Variants in KIRREL3 observed in about 807,000 individuals in gnomAD.
KIRREL3 encodes the protein kin of IRRE-like protein 3.
Under a neutral mutation model 89.7 loss-of-function variants are expected in KIRREL3, and 36 were observed. The observed-to-expected ratio is 0.40, with a 90% CI of 0.31 to 0.53. The LOEUF is 0.53. KIRREL3 is among the 20% of genes least tolerant of loss of function. The pLI is 0.49. For synonymous variants in KIRREL3, 445 were observed against 441.4 expected (o/e 1.01, Z -0.10); for missense variants, 864 against 1,056.6 (o/e 0.82, Z 2.53).
Position 126,645,106 on chromosome 11 carries a change from T to G in KIRREL3, c.56-82194A>C, listed in dbSNP as rs934906107. ...CAGAGGTGAAGTGAACACAGCATAT[T>G]CTGAATATATCGCAAGAGGGGTGCA... On this transcript the variant is annotated intron_variant, in intron 1 of 16. Coordinates refer to ENST00000525144, the MANE Select transcript of KIRREL3 (RefSeq NM_032531.4). The surrounding 1 kb of genome is among the most constrained non-coding windows in gnomAD (Gnocchi z 4.9). 9.9e-5 allele frequency among the ~76,000 whole-genome samples: 15 copies of G among 152,078 alleles called. No individual in the cohort carries two copies. Among genetic ancestry groups the G allele is most frequent in the Non-Finnish European group, 1.5e-5 (1 of 68,026 alleles).
intron 2 of KIRREL3, among the ~76,000 whole-genome samples, chr11:126,552,522 C>CACT (rs1939345152): frequency 6.9e-6 from 1 of 145,838 alleles, no homozygotes; most frequent in Non-Finnish European, 1.5e-5. Flanking sequence ...GTCCCGGGAT[C>CACT]ACTGCATCAC....
intron 1 of KIRREL3, among the ~76,000 whole-genome samples, chr11:126,963,741 C>T (rs1340648431): frequency 1.3e-5 from 2 of 152,188 alleles, no homozygotes; most frequent in Non-Finnish European, 2.9e-5. Context: ...CTTACGTCTT[C>T]AGCCAAGGCA....
intron 4 of KIRREL3, among the ~76,000 whole-genome samples, chr11:126,499,749 G>T (rs1957795041): frequency 6.6e-6 from 1 of 152,218 alleles, no homozygotes; most frequent in Non-Finnish European, 1.5e-5. Context: ...CCAAGGGAGA[G>T]TTCGGTAGTT....
Position 126,830,505 on chromosome 11 carries a change from G to A in KIRREL3, c.55+169950C>T, listed in dbSNP as rs1943568274. ...ACAGGCCTCTGAATTGGACTGCAAG[G>A]AGCTCACATTTACAATTAAATGAGG... On this transcript the variant is annotated intron_variant, in intron 1 of 16. Transcript: ENST00000525144. The surrounding 1 kb of genome is among the most constrained non-coding windows in gnomAD (Gnocchi z 4.9). Among the ~76,000 whole-genome samples the A allele has an allele frequency of 6.6e-6, 1 of 152,148 alleles. No individual in the cohort carries two copies. The highest frequency in any genetic ancestry group is 1.5e-5 in the Non-Finnish European group (1 of 68,028).
At chr11:126,806,708 G>A (rs1951214403) in intron 1 of KIRREL3, among the ~76,000 whole-genome samples, 1 of 152,164 alleles carries the variant, frequency 6.6e-6, no homozygotes, top group African/African-American at 2.4e-5. Context: ...GGATACATGT[G>A]TAGAACGTGC....
intron 1 of KIRREL3, among the ~76,000 whole-genome samples, chr11:126,968,317 TA>T (rs1949334270): frequency 6.6e-6 from 1 of 152,092 alleles, no homozygotes; most frequent in South Asian, 2.1e-4. Flanking sequence ...ATGTAGGCAA[TA>T]ACCAGAACAT....
At chr11:126,894,971 T>C (rs1390762311) in intron 1 of KIRREL3, among the ~76,000 whole-genome samples, 1 of 152,094 alleles carries the variant, frequency 6.6e-6, no homozygotes, top group Non-Finnish European at 1.5e-5. Context: ...ATAAGATCAT[T>C]CACAGTGTAT....
intron 1 of KIRREL3, among the ~76,000 whole-genome samples, chr11:126,711,666 C>T (rs1947761315): frequency 6.6e-6 from 1 of 152,218 alleles, no homozygotes; most frequent in Non-Finnish European, 1.5e-5. Context: ...AAAAAGACTT[C>T]TGTCCAGTTC....
chr11:126,819,931 C>T (rs1452683386), intron 1 of KIRREL3, among the ~76,000 whole-genome samples: 1 of 152,226 alleles, frequency 6.6e-6, no homozygotes, highest in Non-Finnish European at 1.5e-5. Context: ...TCCAGGACAC[C>T]TGGGTTCCAC....
Position 126,571,204 on chromosome 11 carries a change from A to G in KIRREL3, c.56-8292T>C, listed in dbSNP as rs1940907391. On this transcript the variant is annotated intron_variant, in intron 1 of 16. Transcript: ENST00000525144. This position sits in a 1 kb window ranked among gnomAD's most constrained non-coding sequence, Gnocchi z 7.7. ...TTTGATACCTTGCCTAGCTCTTATC[A>G]TCTTTCTCTCCTTGGAGGGCTGGGT... is the stretch of plus-strand genomic sequence containing the variant. Among the ~76,000 whole-genome samples the G allele has an allele frequency of 6.6e-6, 1 of 152,114 alleles. No individual in the cohort carries two copies. The highest frequency in any genetic ancestry group is 2.4e-5 in the African/African-American group (1 of 41,398).
rs533299290 is a variant in KIRREL3 at position 126,460,190 on chromosome 11, G to C, written c.742+2967C>G. 2.0e-5 allele frequency among the ~76,000 whole-genome samples: 3 copies of C among 152,324 alleles called. No individual in the cohort carries two copies. The South Asian group carries it at 6.2e-4, about 32-fold the overall frequency. ...AGCACATACAAGCACCTTCAGGCTA[G>C]GGGCGGTGAGCGCGGGGACAAATGG... On this transcript the variant is annotated intron_variant, in intron 6 of 16. Coordinates refer to ENST00000525144, the MANE Select transcript of KIRREL3 (RefSeq NM_032531.4).
chr11:126,799,354 GTGTGTATC>G (rs1362374031), intron 1 of KIRREL3, among the ~76,000 whole-genome samples: 9 of 43,384 alleles, frequency 2.1e-4, no homozygotes, highest in African/African-American at 3.5e-4. Context: ...GTGTATCTCT[GTGTGTATC>G]TGTGTATCTG....
At position 126,651,779 on chromosome 11, in the gene KIRREL3, A is replaced by G. The variant is rs1944916008; in HGVS notation, c.56-88867T>C. 6.6e-6 allele frequency among the ~76,000 whole-genome samples: 1 copy of G among 152,212 alleles called. No individual in the cohort carries two copies. The highest frequency in any genetic ancestry group is 1.5e-5 in the Non-Finnish European group (1 of 68,036). On this transcript the variant is annotated intron_variant, in intron 1 of 16. Transcript: ENST00000525144. This position sits in a 1 kb window ranked among gnomAD's most constrained non-coding sequence, Gnocchi z 4.6. ...GTACTTGTACAAGGTCTTGAAACAC[A>G]TATTAGGAATGATTATACCAGAGAA...
In KIRREL3 at chr11:126,429,398, C is replaced by G. The variant is rs1955049320; in HGVS notation, c.1697-110G>C. ...CCCTGCCACCCTCTGCATTTCCCCT[C>G]CAGCCCCTGAACTCAGCAGCTTCAC... On this transcript the variant is annotated intron_variant, in intron 14 of 16. Coordinates refer to ENST00000525144, the MANE Select transcript of KIRREL3 (RefSeq NM_032531.4). The surrounding 1 kb of genome is among the most constrained non-coding windows in gnomAD (Gnocchi z 5.2). 1.4e-6 allele frequency: 1 copy of G among 734,346 alleles called. No individual in the cohort carries two copies. The highest frequency in any genetic ancestry group is 2.0e-5 in the Admixed American group (1 of 49,082). The allele number at this position is 734,346 out of a possible 1,614,324, so 45.5% of individuals were successfully genotyped here.
chr11:126,887,340 G>A (rs922058160), intron 1 of KIRREL3, among the ~76,000 whole-genome samples: 1 of 152,164 alleles, frequency 6.6e-6, no homozygotes, highest in African/African-American at 2.4e-5. Context: ...TCAGTGGAAC[G>A]GAGGGGAGAT....
At chr11:126,657,719 A>T (rs1201569588) in intron 1 of KIRREL3, among the ~76,000 whole-genome samples, 2 of 152,192 alleles carry the variant, frequency 1.3e-5, no homozygotes, top group African/African-American at 4.8e-5. Context: ...GCATTTCTGC[A>T]CATGGTCTGG....
chr11:126,691,446 A>G (rs2135133380), intron 1 of KIRREL3, among the ~76,000 whole-genome samples: 1 of 152,344 alleles, frequency 6.6e-6, no homozygotes, highest in Admixed American at 6.5e-5. Flanking sequence ...GGAATAATAA[A>G]CCTCAGTCAA....
intron 4 of KIRREL3, among the ~76,000 whole-genome samples, chr11:126,504,282 C>T (rs1055296462): frequency 3.3e-5 from 5 of 152,134 alleles, no homozygotes; most frequent in South Asian, 2.1e-4. Flanking sequence ...AACAGAGGCT[C>T]TTGTCTTCCC....
rs956181803 is a variant in KIRREL3, at chr11:126,892,617, T to C, written c.55+107838A>G. On this transcript the variant is annotated intron_variant, in intron 1 of 16. Coordinates refer to ENST00000525144, the MANE Select transcript of KIRREL3 (RefSeq NM_032531.4). The surrounding 1 kb of genome is among the most constrained non-coding windows in gnomAD (Gnocchi z 5.4). ...GTGTGTGTGCATGTGCACGTGTGTA[T>C]GTATTATGTGTGTGTGTTTCCGGTG... Among the ~76,000 whole-genome samples the C allele has an allele frequency of 1.3e-5, 2 of 152,144 alleles. No homozygotes were observed. The highest frequency in any genetic ancestry group is 2.9e-5 in the Non-Finnish European group (2 of 68,018).
Sources: allele counts gnomAD v4.1 joint callset (sites outside exome capture counted in the v4.1 genomes callset), GRCh38; gene constraint gnomAD v4.1.1; non-coding constraint Gnocchi (gnomAD v3.1); transcripts MANE v1.5; gene names NCBI Gene and HGNC (gene_info 2026-07-23, HGNC 2026-07-21).